The following NALCN variants were observed in gnomAD, a reference collection of about 807,000 sequenced individuals.
The protein encoded by NALCN is sodium leak channel NALCN.
A neutral mutation model predicts 225.3 loss-of-function variants in NALCN; 111 were observed. The ratio of observed to expected loss-of-function variants is 0.49; its 90% confidence interval spans 0.42 to 0.58. The LOEUF (loss-of-function observed/expected upper bound fraction) is 0.58, where lower values mean the gene tolerates loss of function less well. Ranked by LOEUF, NALCN falls within the 20% of genes least tolerant of loss-of-function variation. NALCN has a pLI of 0.00. For missense variants in NALCN, 1,378 were observed against 2,202.4 expected (o/e 0.63, Z 7.49); for synonymous variants, 764 against 769.0 (o/e 0.99, Z 0.11).
intron 10 of NALCN, among the ~76,000 whole-genome samples, chr13:101,280,125 G>C (rs755535501): frequency 3.3e-5 from 5 of 151,826 alleles, no homozygotes; most frequent in Non-Finnish European, 7.4e-5. Flanking sequence ...TCTAATCACA[G>C]CTCCTGCCCG....
chr13:101,331,529 T>A (rs1456484239), intron 7 of NALCN, among the ~76,000 whole-genome samples: 1 of 152,142 alleles, frequency 6.6e-6, no homozygotes, highest in Non-Finnish European at 1.5e-5. Context: ...AGATTCCTTG[T>A]GCAACTAATC....
At chr13:101,220,621 A>C (rs1464941648) in intron 13 of NALCN, among the ~76,000 whole-genome samples, 2 of 152,192 alleles carry the variant, frequency 1.3e-5, no homozygotes, top group African/African-American at 4.8e-5. Context: ...ATAACTGATT[A>C]GGGGGCCTGG....
At chr13:101,085,831 T>G (rs1438755842) in intron 30 of NALCN, among the ~76,000 whole-genome samples, 5 of 152,182 alleles carry the variant, frequency 3.3e-5, no homozygotes, top group Non-Finnish European at 7.4e-5. Context: ...TTTTTGAGTA[T>G]GCAGTGAGGT....
chr13:101,311,737 T>C (rs12019484), intron 7 of NALCN, among the ~76,000 whole-genome samples: 45,235 of 151,948 alleles, frequency 0.3, 6,980 homozygotes, highest in Non-Finnish European at 0.34. Flanking sequence ...ATAAGCTTTT[T>C]GATGTGCTGC....
intron 13 of NALCN, among the ~76,000 whole-genome samples, chr13:101,214,442 A>G (rs961750991): frequency 1.3e-5 from 2 of 152,156 alleles, no homozygotes; most frequent in African/African-American, 2.4e-5. Flanking sequence ...CTTAAAGTAT[A>G]ATTTTTAAAA....
At chr13:101,296,535 T>C (rs1274045933) in intron 7 of NALCN, among the ~76,000 whole-genome samples, 1 of 152,200 alleles carries the variant, frequency 6.6e-6, no homozygotes, top group East Asian at 1.9e-4. Context: ...GGAAGAACAT[T>C]GATACATTTA....
intron 11 of NALCN, among the ~76,000 whole-genome samples, chr13:101,249,130 G>T (rs1046167554): frequency 6.6e-6 from 1 of 151,948 alleles, no homozygotes; most frequent in African/African-American, 2.4e-5. Context: ...AACAATATTG[G>T]CAGCAAAAAG....
intron 22 of NALCN, among the ~76,000 whole-genome samples, chr13:101,106,678 T>C (rs111986492): frequency 0.015 from 2,315 of 152,280 alleles, 49 homozygotes; most frequent in African/African-American, 0.053. Flanking sequence ...TGAGATCTGA[T>C]GATTTTATGA....
chr13:101,234,438 G>T (rs1275232184), intron 12 of NALCN, among the ~76,000 whole-genome samples: 3 of 152,202 alleles, frequency 2.0e-5, no homozygotes, highest in Non-Finnish European at 4.4e-5. Flanking sequence ...ATATGAAATT[G>T]TCTAAGGAAA....
intron 11 of NALCN, among the ~76,000 whole-genome samples, chr13:101,239,127 T>G (rs1036656388): frequency 6.6e-6 from 1 of 151,976 alleles, no homozygotes; most frequent in African/African-American, 2.4e-5. Context: ...GTTAATGTCA[T>G]GTATATTCTT....
chr13:101,255,492 T>C (rs1267365950), intron 11 of NALCN, among the ~76,000 whole-genome samples: 1 of 152,204 alleles, frequency 6.6e-6, no homozygotes, highest in East Asian at 1.9e-4. Context: ...TAATCTCTAA[T>C]GTCAAGATTC....
At chr13:101,358,996 G>A (rs563313103) in intron 6 of NALCN, among the ~76,000 whole-genome samples, 80 of 152,144 alleles carry the variant, frequency 5.3e-4, no homozygotes, top group African/African-American at 1.8e-3. Context: ...GTTGAACAAT[G>A]AGAACATACA....
chr13:101,327,592 C>T lies in NALCN; in HGVS notation c.799+17674G>A, dbSNP rs367829481. On this transcript the variant is annotated intron_variant, in intron 7 of 43. Coordinates refer to ENST00000251127, the MANE Select transcript of NALCN (RefSeq NM_052867.4). ...ACATAGCCTGTGTATTTGTGAGAGG[C>T]AGCAGAAAGGAGGTGACTTTCAGGG... 2.0e-5 allele frequency among the ~76,000 whole-genome samples: 3 copies of T among 152,234 alleles called. No homozygotes were observed. The South Asian group carries it at 6.2e-4, about 32-fold the overall frequency.
intron 11 of NALCN, among the ~76,000 whole-genome samples, chr13:101,251,337 A>G (rs1488948443): frequency 6.6e-6 from 1 of 152,112 alleles, no homozygotes; most frequent in African/African-American, 2.4e-5. Flanking sequence ...TGGCACCTTA[A>G]TACTTCATAC....
At chr13:101,265,033 C>G (rs968145891) in intron 10 of NALCN, among the ~76,000 whole-genome samples, 6 of 152,118 alleles carry the variant, frequency 3.9e-5, no homozygotes, top group African/African-American at 1.4e-4. Flanking sequence ...CTTGTTGATA[C>G]CTTGTGTTTA....
chr13:101,117,050 C>G (rs1246035082), intron 18 of NALCN: 3 of 472,428 alleles, frequency 6.4e-6, no homozygotes, highest in Non-Finnish European at 8.5e-6. Flanking sequence ...GTGGATACCC[C>G]ACTCCTTTGT....
chr13:101,144,639 T>G (rs17621565), intron 16 of NALCN, 121 bp downstream of exon 16: 42 of 922,794 alleles, frequency 4.6e-5, no homozygotes, highest in Non-Finnish European at 6.2e-5. Flanking sequence ...AGTAGAAAGA[T>G]GACAATAAAA....
chr13:101,384,946 T>C (rs998120746), intron 3 of NALCN, among the ~76,000 whole-genome samples: 1 of 152,228 alleles, frequency 6.6e-6, no homozygotes, highest in African/African-American at 2.4e-5. Context: ...GACTTTCTGC[T>C]TCAGTTTCTC....
At chr13:101,396,933 T>C (rs1249001036) in intron 2 of NALCN, among the ~76,000 whole-genome samples, 1 of 151,496 alleles carries the variant, frequency 6.6e-6, no homozygotes, top group Admixed American at 6.6e-5. Context: ...TCATTCTCTA[T>C]TCCATTCAAT....
Sources: gnomAD v4.1 joint callset for allele counts (sites outside exome capture counted in the v4.1 genomes callset) on GRCh38, gnomAD v4.1.1 for gene constraint, MANE v1.5 for transcripts, NCBI Gene and HGNC (gene_info 2026-07-23, HGNC 2026-07-21) for gene names.